Variants in PPRC1 observed in about 807,000 individuals in gnomAD.
PPRC1 encodes PPARG related coactivator 1.
In PPRC1, 23 loss-of-function variants were observed where a neutral mutation model predicts 132.5. The observed-to-expected ratio is 0.17, with a 90% CI of 0.12 to 0.25. The LOEUF is 0.25. Among genes scored for constraint, PPRC1 ranks in the 10% least tolerant of loss-of-function variants. The pLI, the probability that PPRC1 is intolerant of heterozygous loss-of-function variation, is 1.00. For missense variants in PPRC1, 2,006 were observed against 2,089.1 expected (o/e 0.96, Z 0.78); for synonymous variants, 872 against 833.5 (o/e 1.05, Z -0.80).
chr10:102,130,008 T>G (rs1049825149), upstream of PPRC1, among the ~76,000 whole-genome samples: 1 of 152,256 alleles, frequency 6.6e-6, no homozygotes, highest in Non-Finnish European at 1.5e-5. Flanking sequence ...ACTTTATTGT[T>G]GCTCCTCATA....
the PPRC1 span, among the ~76,000 whole-genome samples, chr10:102,127,489 A>G: frequency 6.6e-6 from 1 of 152,138 alleles, no homozygotes; most frequent in Non-Finnish European, 1.5e-5. Flanking sequence ...TCACTGCAAC[A>G]TCCACCTGCT....
chr10:102,141,196 C>G lies in PPRC1; in HGVS notation c.2688C>G (p.Pro896=). The G allele has an allele frequency of 2.5e-6, 4 of 1,613,992 alleles. No homozygotes were observed. The highest frequency in any genetic ancestry group is 3.4e-6 in the Non-Finnish European group (4 of 1,179,916). The change falls in exon 5 of 14, where the codon CCC becomes CCG. Residue 896 remains proline, a synonymous_variant. Transcript: ENST00000278070. ...LGMPPSLPPP[P]LQPPSLPLSM... ...TGCCCCCCAGTCTGCCCCCACCTCC[C>G]TTGCAGCCTCCTAGTCTTCCATTGT...
the PPRC1 span, among the ~76,000 whole-genome samples, chr10:102,120,799 G>A: frequency 2.0e-5 from 3 of 152,176 alleles, no homozygotes; most frequent in Non-Finnish European, 4.4e-5. Flanking sequence ...GCCGGAGCGG[G>A]AGCCGCGGCT....
the PPRC1 span, among the ~76,000 whole-genome samples, chr10:102,126,579 C>T: frequency 2.0e-5 from 3 of 151,906 alleles, no homozygotes; most frequent in Non-Finnish European, 2.9e-5. Flanking sequence ...CTGCCTCAGC[C>T]TCCCACGTAG....
At chr10:102,120,247 T>A in the PPRC1 span, 3 of 982,020 alleles carry the variant, frequency 3.1e-6, no homozygotes, top group South Asian at 9.1e-5. Flanking sequence ...CTCGGCCCGG[T>A]GCGGGCGGCC....
chr10:102,140,698 G>A lies in PPRC1; in HGVS notation c.2190G>A (p.Val730=). Residue 730 remains valine (V), a synonymous_variant, in exon 5 of 14, where the codon GTG becomes GTA. Transcript: ENST00000278070. The stretch of plus-strand genomic sequence containing the variant: ...TCATCCCTGAAGTCAAAGAGGTTGT[G>A]GATTCTCTGAAAATTGAAAGTGGTA... ...KTIIPEVKEV[V]DSLKIESGTS... is the part of the protein sequence containing the mutation. 1 of 1,614,008 alleles carries A rather than the reference G, an allele frequency of 6.2e-7. No homozygotes were observed. The highest frequency in any genetic ancestry group is 8.5e-7 in the Non-Finnish European group (1 of 1,179,996).
rs1418452113 is a variant in PPRC1, at chr10:102,141,905, C to T, written c.3397C>T (p.Pro1133Ser). 3 of 1,614,166 alleles carry T rather than the reference C, an allele frequency of 1.9e-6. No individual in the cohort carries two copies. Among genetic ancestry groups the T allele is most frequent in the South Asian group, 2.2e-5 (2 of 91,078 alleles). ...TPRQSTVPKL[P>S]AVHPARLRKL... ...AAGGCAGAGCACTGTCCCCAAGCTG[C>T]CTGCTGTCCACCCAGCCCGTCTAAG... Residue 1133 changes from proline to serine, a missense_variant, in exon 5 of 14, where the codon CCT (proline) becomes TCT (serine). Transcript: ENST00000278070.
At chr10:102,125,115 C>CA in the PPRC1 span, among the ~76,000 whole-genome samples, 1 of 152,052 alleles carries the variant, frequency 6.6e-6, no homozygotes, top group Non-Finnish European at 1.5e-5. Flanking sequence ...ATTTTTGAGA[C>CA]AGAGTCTCGC....
intron 1 of PPRC1, among the ~76,000 whole-genome samples, chr10:102,136,252 A>G (rs762972672): frequency 6.6e-6 from 1 of 151,404 alleles, no homozygotes; most frequent in Non-Finnish European, 1.5e-5. Context: ...CGCGTCCTTA[A>G]CCAGCCTTTC....
At chr10:102,136,470 G>A (rs911104505) in intron 1 of PPRC1, among the ~76,000 whole-genome samples, 13 of 152,114 alleles carry the variant, frequency 8.5e-5, no homozygotes, top group African/African-American at 2.9e-4. Context: ...CTATGCGGTA[G>A]TTTCCCCTTA....
At chr10:102,145,546 G>C (rs1487229987) in intron 8 of PPRC1, among the ~76,000 whole-genome samples, 1 of 142,398 alleles carries the variant, frequency 7.0e-6, no homozygotes, top group African/African-American at 2.6e-5. Context: ...ACTCCAGCCT[G>C]GGGGACAGAG....
intron 6 of PPRC1, 50 bp downstream of exon 6, chr10:102,143,148 T>G: frequency 6.4e-7 from 1 of 1,556,126 alleles, no homozygotes; most frequent in Non-Finnish European, 8.9e-7. Context: ...GGTGATACTT[T>G]TTTGGGCCCA....
chr10:102,132,927 A>C, upstream of PPRC1: 15 of 1,169,060 alleles, frequency 1.3e-5, no homozygotes, highest in Non-Finnish European at 1.6e-5. Context: ...GCCTTCTTCC[A>C]GGGTGCAAGT....
In PPRC1 at chr10:102,138,672, G is replaced by C. The variant is rs1191089010; in HGVS notation, c.396G>C (p.Thr132=). ...AAGTGTCGCTGCTCACGGCTCTGAC[G>C]GAGATCTTGGACAATGCAGATTCTG... ...QNEVSLLTAL[T]EILDNADSEN... The change falls in exon 3 of 14, where the codon ACG becomes ACC. Residue 132 remains threonine (T), a synonymous_variant. Coordinates refer to ENST00000278070, the MANE Select transcript of PPRC1 (RefSeq NM_015062.5). The C allele has an allele frequency of 1.1e-5, 18 of 1,614,054 alleles. No individual in the cohort carries two copies. Among genetic ancestry groups the C allele is most frequent in the Non-Finnish European group, 1.4e-5 (17 of 1,180,028 alleles).
intron 8 of PPRC1, among the ~76,000 whole-genome samples, 186 bp from the exon 9 acceptor site, chr10:102,146,486 T>C (rs1028767102): frequency 2.6e-5 from 4 of 152,066 alleles, no homozygotes; most frequent in Non-Finnish European, 4.4e-5. Flanking sequence ...TGGATTTCTC[T>C]TGCTGGTCCC....
chr10:102,147,902 T>TG (rs1268155997), intron 9 of PPRC1, among the ~76,000 whole-genome samples: 5 of 152,130 alleles, frequency 3.3e-5, no homozygotes, highest in Non-Finnish European at 7.4e-5. Flanking sequence ...TTGGAGATGA[T>TG]ATATGTCTTC....
chr10:102,121,150 G>T, the PPRC1 span, among the ~76,000 whole-genome samples: 1 of 152,076 alleles, frequency 6.6e-6, no homozygotes. Flanking sequence ...TGGGGGGAGG[G>T]GGCTGCGGAA....
chr10:102,129,360 C>T (rs528586490), upstream of PPRC1, among the ~76,000 whole-genome samples: 8 of 152,192 alleles, frequency 5.3e-5, no homozygotes, highest in Non-Finnish European at 8.8e-5. Flanking sequence ...CCTTCATGGT[C>T]ATTAGGAATG....
At position 102,141,213 on chromosome 10, in the gene PPRC1, T is replaced by A. The variant is rs768261578; in HGVS notation, c.2705T>A (p.Leu902His). ...CCACCTCCCTTGCAGCCTCCTAGTC[T>A]TCCATTGTCTATGGGGCCAGTACTA... ...LPPPPLQPPS[L>H]PLSMGPVLPD... is the part of the protein sequence containing the mutation. The change falls in exon 5 of 14, where the codon CTT becomes CAT. Residue 902 changes from leucine to histidine, a missense_variant. Around this residue, in one of 2 missense-constraint regions of PPRC1, gnomAD observed 1,914 missense variants for 1,917.2 expected, o/e 1.00. Transcript: ENST00000278070. 6.2e-7 allele frequency: 1 copy of A among 1,614,008 alleles called. No homozygotes were observed. Among genetic ancestry groups the A allele is most frequent in the South Asian group, 1.1e-5 (1 of 91,076 alleles).
Sources: allele counts gnomAD v4.1 joint callset (sites outside exome capture counted in the v4.1 genomes callset), GRCh38; gene constraint gnomAD v4.1.1; regional missense constraint gnomAD v4.1.1; transcripts MANE v1.5; gene names NCBI Gene and HGNC (gene_info 2026-07-23, HGNC 2026-07-21).